Variants in FGFR2 observed in about 807,000 individuals in gnomAD.
FGFR2 encodes BEK fibroblast growth factor receptor.
Under a neutral mutation model 95.9 loss-of-function variants are expected in FGFR2, and 19 were observed. The ratio of observed to expected loss-of-function variants is 0.20; its 90% CI spans 0.14 to 0.29. FGFR2 has a LOEUF of 0.29. Ranked by LOEUF, FGFR2 falls within the 10% of genes least tolerant of loss-of-function variation. The pLI, the probability that FGFR2 is intolerant of heterozygous loss-of-function variation, is 1.00. For missense variants in FGFR2, 707 were observed against 1,056.9 expected, an observed-to-expected ratio of 0.67 and a Z score of 4.59; for synonymous variants, 392 against 393.3, an observed-to-expected ratio of 1.00 and a Z score of 0.04.
At chr10:121,530,169 T>C (rs144706125) in intron 6 of FGFR2, among the ~76,000 whole-genome samples, 170 of 152,268 alleles carry the variant, frequency 1.1e-3, no homozygotes, top group African/African-American at 3.8e-3. Context: ...GGTAGAACCC[T>C]ACAGCATCCT....
At chr10:121,564,452 T>A in intron 4 of FGFR2, 50 bp downstream of exon 4, 1 of 1,539,400 alleles carries the variant, frequency 6.5e-7, no homozygotes. Context: ...AGGCAGAACT[T>A]CCCTCCATGC....
intron 2 of FGFR2, among the ~76,000 whole-genome samples, chr10:121,583,111 A>AT: frequency 1.3e-5 from 2 of 151,986 alleles, no homozygotes; most frequent in African/African-American, 4.8e-5. Context: ...CATTCTTGGA[A>AT]TTTTTTCTTT....
chr10:121,511,692 T>G (rs1029443624), intron 9 of FGFR2, among the ~76,000 whole-genome samples: 7 of 152,134 alleles, frequency 4.6e-5, no homozygotes, highest in African/African-American at 1.7e-4. Flanking sequence ...GAATGTGACA[T>G]GAGCCTCCAT....
Position 121,564,398 on chromosome 10 carries a change from G to A in FGFR2, c.454+104C>T, listed in dbSNP as rs1355203787. 20 of 1,083,846 alleles carry A rather than the reference G, an allele frequency of 1.8e-5. No individual in the cohort carries two copies. The East Asian group carries it at 3.5e-4, about 19-fold the overall frequency. 67.1% of individuals were successfully genotyped at this position (1,083,846 alleles called of 1,614,324 possible). A position where few individuals can be genotyped will look rare whatever the true frequency, so the allele number is the denominator to read the frequency against. ...CACAGCGGGGAAAGGCAAGGGCCGC[G>A]GGACACAGCATGGCGCAGAAGAGTC... On this transcript the variant is annotated intron_variant, in intron 4 of 17. Coordinates refer to ENST00000358487, the MANE Select transcript of FGFR2 (RefSeq NM_000141.5).
rs111564057 is a variant in FGFR2 at position 121,488,155 on chromosome 10, AC to A, written c.1864-43del. 226,118 of 1,609,868 alleles carry A rather than the reference AC, an allele frequency of 0.14. 17,731 individuals carry two copies. The highest frequency in any genetic ancestry group is 0.25 in the African/African-American group (18,512 of 74,906). On this transcript the variant is annotated intron_variant, in intron 13 of 17. Coordinates refer to ENST00000358487, the MANE Select transcript of FGFR2 (RefSeq NM_000141.5). ...AGCAAGAGAAATAACTAATTTCAAAACACCGCCAGAACAAAAAGGAAATATG... is the reference window on the plus strand; with the variant it reads ...AGCAAGAGAAATAACTAATTTCAAAAACCGCCAGAACAAAAAGGAAATATG...
At chr10:121,587,741 A>C (rs188489747) in intron 2 of FGFR2, among the ~76,000 whole-genome samples, 41 of 152,354 alleles carry the variant, frequency 2.7e-4, no homozygotes, top group African/African-American at 9.4e-4. Flanking sequence ...GTCAAAAAAT[A>C]ATAGATGCTG....
chr10:121,593,766 A>G lies in FGFR2; in HGVS notation c.52T>C (p.Leu18=), dbSNP rs1863028330. Residue 18 remains leucine, a synonymous_variant, in exon 2 of 18, where the codon TTG becomes CTG. Coordinates refer to ENST00000358487, the MANE Select transcript of FGFR2 (RefSeq NM_000141.5). ...CTGAAGGAGGGCCGGGCCAGGGACA[A>G]GGTTGCCATGGTGACCACGACCAGG... ...ICLVVVTMAT[L]SLARPSFSLV... is the part of the protein sequence containing the mutation. 1.2e-6 allele frequency: 2 copies of G among 1,614,170 alleles called. No homozygotes were observed. Among genetic ancestry groups the G allele is most frequent in the Non-Finnish European group, 1.7e-6 (2 of 1,180,018 alleles).
chr10:121,524,146 A>T (rs12356416), intron 6 of FGFR2, among the ~76,000 whole-genome samples: 2 of 136,892 alleles, frequency 1.5e-5, no homozygotes, highest in African/African-American at 5.8e-5. Flanking sequence ...ACACACACAC[A>T]CCCCAAGTTT....
intron 4 of FGFR2, among the ~76,000 whole-genome samples, chr10:121,559,340 C>T (rs1226254769): frequency 3.3e-5 from 5 of 152,118 alleles, no homozygotes; most frequent in African/African-American, 7.2e-5. Context: ...CCCTATTAAT[C>T]GGGTCAGGCA....
intron 1 of FGFR2, 141 bp downstream of exon 1, chr10:121,597,821 G>C (rs1220934030): frequency 1.1e-5 from 4 of 350,834 alleles, no homozygotes; most frequent in Non-Finnish European, 2.0e-5. Flanking sequence ...CAGCCACAGA[G>C]GGAGGACACG....
intron 9 of FGFR2, among the ~76,000 whole-genome samples, chr10:121,511,668 C>A (rs2134177436): frequency 6.6e-6 from 1 of 152,234 alleles, no homozygotes; most frequent in Middle Eastern, 3.4e-3. Context: ...GCACGGTGCC[C>A]AAGCCCTGAC....
chr10:121,546,672 T>C (rs1027734005), intron 5 of FGFR2, among the ~76,000 whole-genome samples: 9 of 152,258 alleles, frequency 5.9e-5, no homozygotes, highest in African/African-American at 1.9e-4. Context: ...CCTCCCTTTA[T>C]AGGCCGCACA....
intron 12 of FGFR2, 126 bp from the exon 13 acceptor site, chr10:121,496,848 C>T (rs1846901169): frequency 2.0e-5 from 17 of 847,510 alleles, no homozygotes; most frequent in Admixed American, 1.7e-4. Flanking sequence ...TAACATACAG[C>T]GGCTGGGCGT....
At chr10:121,571,092 T>C (rs1253121384) in intron 2 of FGFR2, among the ~76,000 whole-genome samples, 1 of 146,102 alleles carries the variant, frequency 6.8e-6, no homozygotes, top group East Asian at 2.1e-4. Flanking sequence ...GGGTTCACGC[T>C]ATTCACCTGC....
intron 6 of FGFR2, among the ~76,000 whole-genome samples, chr10:121,521,971 G>A (rs1850613298): frequency 6.6e-6 from 1 of 152,200 alleles, no homozygotes; most frequent in African/African-American, 2.4e-5. Flanking sequence ...CCATGAAGAA[G>A]GAGGAAATGG....
chr10:121,566,803 C>A (rs970636496), intron 2 of FGFR2, among the ~76,000 whole-genome samples: 7 of 152,008 alleles, frequency 4.6e-5, no homozygotes, highest in Non-Finnish European at 1.0e-4. Flanking sequence ...CGCCACCGAC[C>A]CCATCCTGCT....
rs2133803024 is a variant in FGFR2 at position 121,485,586 on chromosome 10, C to A, written c.2058-54G>T. 1 of 1,613,118 alleles carries A rather than the reference C, an allele frequency of 6.2e-7. No individual in the cohort carries two copies. The highest frequency in any genetic ancestry group is 8.5e-7 in the Non-Finnish European group (1 of 1,179,510). The stretch of plus-strand genomic sequence containing the variant: ...ACTAACCCATCCACGTTGCCAAAAC[C>A]TAAACACGCCCAGCTGAGACATAAA... On this transcript the variant is annotated intron_variant, in intron 15 of 17. Transcript: ENST00000358487. The surrounding 1 kb of genome is among the most constrained non-coding windows in gnomAD (Gnocchi z 4.2).
chr10:121,548,047 C>T (rs1854780904), intron 5 of FGFR2, among the ~76,000 whole-genome samples: 1 of 152,106 alleles, frequency 6.6e-6, no homozygotes, highest in African/African-American at 2.4e-5. Context: ...TTTCTGGCAT[C>T]TCCAAAATGA....
At chr10:121,499,697 C>T (rs940402814) in intron 11 of FGFR2, among the ~76,000 whole-genome samples, 6 of 152,248 alleles carry the variant, frequency 3.9e-5, no homozygotes, top group Non-Finnish European at 8.8e-5. Context: ...AGCCTGGGTC[C>T]TCCCCACACC....
Sources: allele counts gnomAD v4.1 joint callset (sites outside exome capture counted in the v4.1 genomes callset), GRCh38; gene constraint gnomAD v4.1.1; non-coding constraint Gnocchi (gnomAD v3.1); transcripts MANE v1.5; gene names NCBI Gene and HGNC (gene_info 2026-07-23, HGNC 2026-07-21).